The following TTC34 variants were observed in gnomAD, a reference collection of about 807,000 sequenced individuals.
TTC34 encodes tetratricopeptide repeat protein 34.
A neutral mutation model predicts 40.7 loss-of-function variants in TTC34; 44 were observed. That is an observed-to-expected ratio of 1.08 (90% CI 0.85 to 1.39). The LOEUF (loss-of-function observed/expected upper bound fraction) is 1.39. Ranked by LOEUF, TTC34 falls within the 40% of genes most tolerant of loss-of-function variation. The pLI is 0.00. For synonymous variants in TTC34, 422 were observed against 398.6 expected (o/e 1.06, Z -0.70); for missense variants, 884 against 838.0 (o/e 1.05, Z -0.68).
exon 5 of TTC34, chr1:2,785,895 T>A: frequency 3.3e-6 from 5 of 1,538,326 alleles, no homozygotes; most frequent in Non-Finnish European, 4.4e-6. Flanking sequence ...CGCCTGGCCG[T>A]GCCCGCAGGA....
intron 6 of TTC34, among the ~76,000 whole-genome samples, chr1:2,695,714 A>C (rs796474538): frequency 3.1e-5 from 2 of 65,470 alleles, no homozygotes; most frequent in East Asian, 4.2e-4. Flanking sequence ...CAGCACCCAC[A>C]CCCCCAGGTG....
chr1:2,799,666 C>G (rs1643751928), intron 2 of TTC34, among the ~76,000 whole-genome samples: 1 of 152,162 alleles, frequency 6.6e-6, no homozygotes, highest in East Asian at 1.9e-4. Flanking sequence ...TTCAGTCTCC[C>G]ATTCGTTTTC....
At chr1:2,696,910 AGCACCCACAACCACAGGTGAGCC>A (rs2100393992) in intron 6 of TTC34, among the ~76,000 whole-genome samples, 1 of 40,064 alleles carries the variant, frequency 2.5e-5, no homozygotes, top group South Asian at 2.2e-3. Context: ...GGTCTGGAGC[AGCACCCACAACCACAGGTGAGCC>A]TCTGACAGCC....
chr1:2,749,465 C>T lies in TTC34; in HGVS notation c.2226+34144G>A, dbSNP rs1172907941. 3.9e-4 allele frequency among the ~76,000 whole-genome samples: 41 copies of T among 106,448 alleles called. 2 individuals are homozygous for T. Among genetic ancestry groups the T allele is most frequent in the African/African-American group, 1.0e-3 (25 of 24,096 alleles). 69.8% of individuals were successfully genotyped at this position (106,448 alleles called of 152,430 possible). A position where few individuals can be genotyped will look rare whatever the true frequency, so the allele number is the denominator to read the frequency against. On this transcript the variant is annotated intron_variant, in intron 6 of 8. Transcript: ENST00000401095. ...ACACCCCCAGGTGAGCATCTGACGG[C>T]CTGGAACAGCACCCACATCCCCAGG...
chr1:2,681,737 A>G (rs1191116902), intron 6 of TTC34, among the ~76,000 whole-genome samples: 1 of 98,398 alleles, frequency 1.0e-5, no homozygotes, highest in East Asian at 2.7e-4. Context: ...CTGGAGCGGA[A>G]CCCACGGCCA....
exon 8 of TTC34, chr1:2,644,411 G>C: frequency 7.2e-6 from 11 of 1,536,044 alleles, no homozygotes; most frequent in Non-Finnish European, 9.6e-6. Context: ...GCCGGGCCCG[G>C]GCTGCCTCTG....
At chr1:2,748,491 G>C (rs1641218483) in intron 6 of TTC34, among the ~76,000 whole-genome samples, 7 of 137,932 alleles carry the variant, frequency 5.1e-5, no homozygotes, top group African/African-American at 1.3e-4. Context: ...CCCCGGGTGA[G>C]CATCCGATAG....
intron 2 of TTC34, among the ~76,000 whole-genome samples, chr1:2,792,375 A>G (rs1643673303): frequency 6.6e-6 from 1 of 152,060 alleles, no homozygotes; most frequent in Admixed American, 6.5e-5. Context: ...ATTTTCCTGA[A>G]GTCAGTTTTT....
chr1:2,690,157 C>T (rs1340394704), intron 6 of TTC34, among the ~76,000 whole-genome samples: 2 of 143,292 alleles, frequency 1.4e-5, no homozygotes, highest in Non-Finnish European at 3.0e-5. Context: ...GAGCATCTGA[C>T]ATCGTGGAGC....
intron 6 of TTC34, among the ~76,000 whole-genome samples, chr1:2,684,791 C>T: frequency 7.4e-6 from 1 of 134,396 alleles, no homozygotes; most frequent in Non-Finnish European, 1.5e-5. Flanking sequence ...GGAACAGCAC[C>T]CACACCCCCA....
Position 2,762,064 on chromosome 1 carries a change from T to A in TTC34, c.2226+21545A>T, listed in dbSNP as rs1242469950. Among the ~76,000 whole-genome samples the A allele has an allele frequency of 3.4e-5, 2 of 59,582 alleles. 1 individual carries two copies. Among genetic ancestry groups the A allele is most frequent in the Non-Finnish European group, 5.4e-5 (2 of 37,028 alleles). 39.1% of individuals were successfully genotyped at this position (59,582 alleles called of 152,430 possible). A position where few individuals can be genotyped will look rare whatever the true frequency, so the allele number is the denominator to read the frequency against. ...CAGCGCCCACACCCCCGGGCGAGCA[T>A]CTGACAGCCTGGAGCAGCACACACA... On this transcript the variant is annotated intron_variant, in intron 6 of 8. Coordinates refer to ENST00000401095, the Ensembl canonical transcript of TTC34.
intron 6 of TTC34, among the ~76,000 whole-genome samples, chr1:2,782,508 T>TC (rs1643500799): frequency 6.6e-6 from 1 of 151,258 alleles, no homozygotes; most frequent in Admixed American, 6.6e-5. Context: ...TGTAATCTTT[T>TC]TCTCTCTCTC....
intron 5 of TTC34, among the ~76,000 whole-genome samples, 179 bp from the exon 6 acceptor site, chr1:2,783,954 C>T (rs1643533562): frequency 6.6e-6 from 1 of 152,012 alleles, no homozygotes; most frequent in Admixed American, 6.5e-5. Flanking sequence ...GCATTGGCTG[C>T]AGGGCAAGAG....
intron 4 of TTC34, among the ~76,000 whole-genome samples, chr1:2,787,055 A>AG (rs1214583254): frequency 6.6e-6 from 1 of 152,176 alleles, no homozygotes; most frequent in African/African-American, 2.4e-5. Context: ...TCCTGGGAGC[A>AG]GGGGGTCTTG....
chr1:2,685,153 C>G (rs1203881495), intron 6 of TTC34, among the ~76,000 whole-genome samples: 1 of 144,506 alleles, frequency 6.9e-6, no homozygotes, highest in Non-Finnish European at 1.5e-5. Flanking sequence ...GGAACAGCAC[C>G]CACAACCCCA....
intron 6 of TTC34, among the ~76,000 whole-genome samples, chr1:2,682,701 A>ACGCTG (rs1640133119): frequency 5.1e-5 from 7 of 136,376 alleles, no homozygotes; most frequent in East Asian, 2.1e-4. Flanking sequence ...CTGGAGCAGC[A>ACGCTG]CCCACACACC....
Position 2,644,491 on chromosome 1 carries a change from C to T in TTC34, c.2498-13G>A, listed in dbSNP as rs989306079. The stretch of plus-strand genomic sequence containing the variant: ...TCCTCGTAGCTGCCTGTCAGGGATT[C>T]AGGAGGGACAGTCAGTGTGTGGGGT... On this transcript the variant is annotated splice_polypyrimidine_tract_variant and intron_variant, in intron 7 of 8. Transcript: ENST00000401095. The T allele has an allele frequency of 9.8e-6, 15 of 1,529,466 alleles. No homozygotes were observed. The East Asian group carries it at 2.5e-4, about 25-fold the overall frequency. The allele number at this position is 1,529,466 out of a possible 1,614,324, so 94.7% of individuals were successfully genotyped here. A position where few individuals can be genotyped will look rare whatever the true frequency, so the allele number is the denominator to read the frequency against.
chr1:2,685,275 G>A (rs1176800847), intron 6 of TTC34, among the ~76,000 whole-genome samples: 3 of 47,790 alleles, frequency 6.3e-5, no homozygotes, highest in African/African-American at 1.9e-4. Flanking sequence ...ACAGCACCCT[G>A]CACCCCCAGG....
chr1:2,779,914 AT>A (rs1043783161), intron 6 of TTC34, among the ~76,000 whole-genome samples: 3 of 151,802 alleles, frequency 2.0e-5, no homozygotes, highest in Non-Finnish European at 4.4e-5. Flanking sequence ...TCCTTTGCTC[AT>A]TTTTTTTGAA....
Sources: gnomAD v4.1 joint callset for allele counts (sites outside exome capture counted in the v4.1 genomes callset) on GRCh38, gnomAD v4.1.1 for gene constraint, MANE v1.5 for transcripts, NCBI Gene and HGNC (gene_info 2026-07-23, HGNC 2026-07-21) for gene names.